MLLT10: variants seen among roughly 807,000 people sequenced by gnomAD.
The protein encoded by MLLT10 is MLLT10 histone lysine methyltransferase DOT1L cofactor, also known as protein AF-10.
In MLLT10, 30 loss-of-function variants were observed where a neutral mutation model predicts 129.1. That is an observed-to-expected ratio of 0.23 (90% CI 0.17 to 0.32). The LOEUF (loss-of-function observed/expected upper bound fraction) is 0.32, where lower values mean the gene tolerates loss of function less well. Ranked by LOEUF, MLLT10 falls within the 10% of genes least tolerant of loss-of-function variation. The probability of loss-of-function intolerance (pLI) is 1.00; values close to 1 mark genes in which losing one functional copy is unlikely to be tolerated. For missense variants in MLLT10, 1,119 were observed against 1,268.3 expected, an observed-to-expected ratio of 0.88 and a Z score of 1.79; for synonymous variants, 490 against 446.4, an observed-to-expected ratio of 1.10 and a Z score of -1.23.
intron 13 of MLLT10, 66 bp from the exon 14 acceptor site, chr10:21,713,698 AGTTTACTG>A: frequency 7.6e-7 from 1 of 1,321,490 alleles, no homozygotes; most frequent in Non-Finnish European, 1.0e-6. Flanking sequence ...AGGAAATGCA[AGTTTACTG>A]ATTATGTGTG....
intron 6 of MLLT10, among the ~76,000 whole-genome samples, chr10:21,612,887 A>G (rs1030234284): frequency 6.6e-6 from 1 of 152,142 alleles, no homozygotes; most frequent in Non-Finnish European, 1.5e-5. Flanking sequence ...CGACTTCACA[A>G]AAACTTATTT....
chr10:21,548,272 C>A (rs961416825), intron 3 of MLLT10, among the ~76,000 whole-genome samples: 7 of 151,940 alleles, frequency 4.6e-5, no homozygotes. Flanking sequence ...AATACTGTAA[C>A]CTTCTCATTA....
At chr10:21,610,375 C>T (rs948934270) in intron 5 of MLLT10, among the ~76,000 whole-genome samples, 6 of 152,160 alleles carry the variant, frequency 3.9e-5, no homozygotes, top group Non-Finnish European at 5.9e-5. Flanking sequence ...ATCTTCTTGG[C>T]CACACCATCC....
At chr10:21,559,293 A>G (rs941668297) in intron 3 of MLLT10, among the ~76,000 whole-genome samples, 1 of 152,198 alleles carries the variant, frequency 6.6e-6, no homozygotes, top group Admixed American at 6.6e-5. Context: ...TATGTTGGCC[A>G]GGCTGGTCTC....
Position 21,564,754 on chromosome 10 carries a change from G to T in MLLT10, c.241-21540G>T, listed in dbSNP as rs372877312. On this transcript the variant is annotated intron_variant, in intron 3 of 22. Coordinates refer to ENST00000307729, the MANE Select transcript of MLLT10 (RefSeq NM_001195626.3). Reference sequence around the variant, plus strand: ...CAGGAGAATTGCTTGAACCCAGGAGGTGGAGGTTGCAGTGAGCCGCGATCG... The same window carrying T: ...CAGGAGAATTGCTTGAACCCAGGAGTTGGAGGTTGCAGTGAGCCGCGATCG... Among the ~76,000 whole-genome samples, 6 of 151,488 alleles carry T rather than the reference G, an allele frequency of 4.0e-5. No homozygotes were observed. The East Asian group carries it at 9.7e-4, about 24-fold the overall frequency.
chr10:21,604,292 C>G (rs997051032), intron 5 of MLLT10, among the ~76,000 whole-genome samples: 3 of 152,112 alleles, frequency 2.0e-5, no homozygotes, highest in Non-Finnish European at 4.4e-5. Context: ...TTGGTTAATC[C>G]TGAAGCAAAA....
At chr10:21,724,794 T>G (rs1236481022) in intron 14 of MLLT10, among the ~76,000 whole-genome samples, 1 of 152,218 alleles carries the variant, frequency 6.6e-6, no homozygotes, top group Non-Finnish European at 1.5e-5. Context: ...TTACAGTGGA[T>G]TACGCAATAC....
chr10:21,549,515 A>G (rs746889121), intron 3 of MLLT10, among the ~76,000 whole-genome samples: 2 of 152,158 alleles, frequency 1.3e-5, no homozygotes, highest in Non-Finnish European at 2.9e-5. Flanking sequence ...TATCAGCCTT[A>G]GCACATAGTT....
At chr10:21,625,768 C>T (rs2046369279) in intron 8 of MLLT10, 2 of 767,994 alleles carry the variant, frequency 2.6e-6, no homozygotes, top group Non-Finnish European at 4.9e-6. Flanking sequence ...ATAGCTGTCA[C>T]AGTTTCACAG....
chr10:21,541,364 C>T (rs2035126871), intron 3 of MLLT10: 1 of 151,844 alleles, frequency 6.6e-6, no homozygotes, highest in South Asian at 2.1e-4. Flanking sequence ...ACTTACAGGC[C>T]TGTAGCACTT....
intron 8 of MLLT10, among the ~76,000 whole-genome samples, chr10:21,622,373 G>C (rs2045970617): frequency 6.8e-6 from 1 of 147,130 alleles, no homozygotes; most frequent in East Asian, 2.0e-4. Flanking sequence ...TCCCTATGTT[G>C]CCTAGGCTGG....
intron 12 of MLLT10, 26 bp downstream of exon 12, chr10:21,681,402 CCCGGG>C: frequency 6.4e-7 from 1 of 1,561,404 alleles, no homozygotes; most frequent in South Asian, 1.1e-5. Context: ...GGGTTGATAA[CCCGGG>C]CCTTTTGTCT....
chr10:21,584,494 T>C (rs2041803219), intron 3 of MLLT10, among the ~76,000 whole-genome samples: 4 of 152,140 alleles, frequency 2.6e-5, no homozygotes, highest in African/African-American at 9.6e-5. Context: ...AATTATTTTT[T>C]GTAGAGATGA....
At position 21,588,342 on chromosome 10, in the gene MLLT10, C is replaced by T. The variant is rs145982861; in HGVS notation, c.295+1994C>T. 2.0e-4 allele frequency among the ~76,000 whole-genome samples: 31 copies of T among 152,308 alleles called. No individual in the cohort carries two copies. The East Asian group carries it at 5.8e-3, about 28-fold the overall frequency. The stretch of plus-strand genomic sequence containing the variant: ...TCGGCCTTCCAAAGTGCTGAGATTA[C>T]AGGTGTGAGTCACTGCACCCGGCAT... On this transcript the variant is annotated intron_variant, in intron 4 of 22. Coordinates refer to ENST00000307729, the MANE Select transcript of MLLT10 (RefSeq NM_001195626.3).
chr10:21,692,645 AT>A (rs112151449), intron 13 of MLLT10, among the ~76,000 whole-genome samples: 210 of 144,094 alleles, frequency 1.5e-3, no homozygotes, highest in East Asian at 0.01. Context: ...ACACCCAGTA[AT>A]TTTTTTTTTT....
intron 10 of MLLT10, among the ~76,000 whole-genome samples, 169 bp from the exon 11 acceptor site, chr10:21,673,181 A>T (rs1254438949): frequency 6.6e-6 from 1 of 152,154 alleles, no homozygotes; most frequent in East Asian, 1.9e-4. Flanking sequence ...TTTGGGGATA[A>T]ATTTGACAAG....
At chr10:21,703,526 T>G (rs1401736627) in intron 13 of MLLT10, among the ~76,000 whole-genome samples, 1 of 152,166 alleles carries the variant, frequency 6.6e-6, no homozygotes, top group Non-Finnish European at 1.5e-5. Context: ...TCTGGATGTC[T>G]GTATCTCTTG....
At chr10:21,665,624 A>T (rs2050710325) in intron 9 of MLLT10, among the ~76,000 whole-genome samples, 1 of 151,952 alleles carries the variant, frequency 6.6e-6, no homozygotes. Flanking sequence ...TAGTCATGTT[A>T]TGAGTTTATT....
intron 3 of MLLT10, among the ~76,000 whole-genome samples, chr10:21,570,210 A>G (rs1269578043): frequency 1.7e-5 from 2 of 117,476 alleles, no homozygotes; most frequent in East Asian, 2.5e-4. Context: ...TGCCAGGCCA[A>G]TTTGTGTGTG....
Sources: allele counts gnomAD v4.1 joint callset (sites outside exome capture counted in the v4.1 genomes callset), GRCh38; gene constraint gnomAD v4.1.1; transcripts MANE v1.5; gene names NCBI Gene and HGNC (gene_info 2026-07-23, HGNC 2026-07-21).